BNIP3L: variants seen among roughly 807,000 people sequenced by gnomAD.
BNIP3L encodes the protein BCL2 interacting protein 3 like.
A neutral mutation model predicts 25.5 loss-of-function variants in BNIP3L; 10 were observed. The ratio of observed to expected loss-of-function variants is 0.39; its 90% CI spans 0.24 to 0.67. The LOEUF is 0.67. Among genes scored for constraint, BNIP3L ranks in the 30% least tolerant of loss-of-function variants. The pLI is 0.45. For missense variants in BNIP3L, 215 were observed against 270.9 expected (o/e 0.79, Z 1.45); for synonymous variants, 113 against 101.2 (o/e 1.12, Z -0.70).
At chr8:26,388,822 A>C (rs1806045870) in intron 1 of BNIP3L, among the ~76,000 whole-genome samples, 1 of 150,848 alleles carries the variant, frequency 6.6e-6, no homozygotes, top group Non-Finnish European at 1.5e-5. Flanking sequence ...TAAATAAATA[A>C]ATAAATAAAT....
intron 3 of BNIP3L, among the ~76,000 whole-genome samples, chr8:26,407,026 T>C (rs1361300357): frequency 6.6e-6 from 1 of 151,756 alleles, no homozygotes; most frequent in Non-Finnish European, 1.5e-5. Context: ...GGAATCTCAC[T>C]CTATCACCCA....
chr8:26,385,632 G>T (rs1805977090), intron 1 of BNIP3L, among the ~76,000 whole-genome samples: 1 of 151,452 alleles, frequency 6.6e-6, no homozygotes. Context: ...GGCGGGGGCT[G>T]AGCCATATGT....
chr8:26,391,988 G>A (rs1806122743), intron 2 of BNIP3L, among the ~76,000 whole-genome samples: 1 of 152,194 alleles, frequency 6.6e-6, no homozygotes, highest in Admixed American at 6.5e-5. Context: ...GGTCTGTAAA[G>A]ATAGTTTTGA....
chr8:26,389,491 G>A (rs1806059426), intron 1 of BNIP3L, among the ~76,000 whole-genome samples: 1 of 152,192 alleles, frequency 6.6e-6, no homozygotes, highest in Admixed American at 6.5e-5. Context: ...TGTGTGTATA[G>A]AATGAGGCCA....
intron 2 of BNIP3L, among the ~76,000 whole-genome samples, chr8:26,394,471 A>G (rs749967087): frequency 6.6e-6 from 1 of 152,196 alleles, no homozygotes; most frequent in Non-Finnish European, 1.5e-5. Flanking sequence ...TATTTACTAT[A>G]TTAGAAATTA....
chr8:26,408,057 G>C lies in BNIP3L; in HGVS notation c.415G>C (p.Asp139His), dbSNP rs968022295. ...AGTCGAGGCTTTGAAGAAAAGTGCG[G>C]ACTGGGTATCAGACTGGTCCAGTAG... ...KEVEALKKSADWVSDWSSRPE... is the reference protein window; with the variant it reads ...KEVEALKKSAHWVSDWSSRPE... Residue 139 changes from aspartate (D) to histidine (H), a missense_variant, in exon 4 of 6, where the codon GAC (aspartate) becomes CAC (histidine). Transcript: ENST00000380629. 2.5e-6 allele frequency: 4 copies of C among 1,614,114 alleles called. No individual in the cohort carries two copies. Among genetic ancestry groups the C allele is most frequent in the African/African-American group, 2.7e-5 (2 of 74,940 alleles).
At chr8:26,383,930 C>T (rs1415422265) in intron 1 of BNIP3L, among the ~76,000 whole-genome samples, 23 of 151,768 alleles carry the variant, frequency 1.5e-4, no homozygotes, top group Admixed American at 1.4e-3. Flanking sequence ...GGTTGTGCGC[C>T]CAGTAAAGCT....
At position 26,394,390 on chromosome 8, in the gene BNIP3L, T is replaced by C. The variant is rs553112204; in HGVS notation, c.285-840T>C. Among the ~76,000 whole-genome samples, 14 of 152,288 alleles carry C rather than the reference T, an allele frequency of 9.2e-5. No individual in the cohort carries two copies. In the South Asian group the frequency reaches 2.9e-3, roughly 32 times the overall value. On this transcript the variant is annotated intron_variant, in intron 2 of 5. Coordinates refer to ENST00000380629, the MANE Select transcript of BNIP3L (RefSeq NM_004331.3). ...TAGTGGTTCTCAAAGTTTTTGGTCATTACATACCTTTACATTCTTAAAAAT... is the reference window on the plus strand; with the variant it reads ...TAGTGGTTCTCAAAGTTTTTGGTCACTACATACCTTTACATTCTTAAAAAT...
chr8:26,402,651 A>G (rs1806413426), intron 3 of BNIP3L, among the ~76,000 whole-genome samples: 2 of 152,190 alleles, frequency 1.3e-5, no homozygotes, highest in Non-Finnish European at 2.9e-5. Context: ...TAAGCTGGAC[A>G]TGGTGGCACT....
rs1177918795 is a variant in BNIP3L at position 26,410,449 on chromosome 8, T to G, written c.*37T>G. On this transcript the variant is annotated 3_prime_UTR_variant, in exon 6 of 6. Coordinates refer to ENST00000380629, the MANE Select transcript of BNIP3L (RefSeq NM_004331.3). The stretch of plus-strand genomic sequence containing the variant: ...AGCCCCTGGAAATGCGTGTGACCTG[T>G]GAAGTGGTGTATTGTCACAGTAGCT... 6.2e-7 allele frequency: 1 copy of G among 1,611,192 alleles called. No homozygotes were observed. Among genetic ancestry groups the G allele is most frequent in the East Asian group, 2.2e-5 (1 of 44,874 alleles).
At chr8:26,409,624 C>G (rs1319989691) in intron 5 of BNIP3L, among the ~76,000 whole-genome samples, 1 of 152,170 alleles carries the variant, frequency 6.6e-6, no homozygotes, top group Non-Finnish European at 1.5e-5. Flanking sequence ...TAATACATTG[C>G]TGCCTATACA....
At chr8:26,408,932 C>T (rs189456654) in intron 5 of BNIP3L, among the ~76,000 whole-genome samples, 3 of 149,844 alleles carry the variant, frequency 2.0e-5, no homozygotes, top group Middle Eastern at 3.5e-3. Flanking sequence ...CAAATGTAAG[C>T]GGACTCCTCT....
chr8:26,407,612 G>A (rs981250228), intron 3 of BNIP3L, among the ~76,000 whole-genome samples: 3 of 152,168 alleles, frequency 2.0e-5, no homozygotes, highest in Non-Finnish European at 4.4e-5. Context: ...ATAGGCATGA[G>A]CCACTGCACC....
chr8:26,393,021 T>C (rs1000174677), intron 2 of BNIP3L, among the ~76,000 whole-genome samples: 2 of 152,054 alleles, frequency 1.3e-5, no homozygotes, highest in Non-Finnish European at 2.9e-5. Flanking sequence ...GCAAATGCTT[T>C]TGAACACTTT....
chr8:26,398,618 A>G (rs1416591583), intron 3 of BNIP3L, among the ~76,000 whole-genome samples: 1 of 133,204 alleles, frequency 7.5e-6, no homozygotes, highest in African/African-American at 2.9e-5. Flanking sequence ...AGAAATAACT[A>G]AAATCAGAGC....
rs1050615331 is a variant in BNIP3L at position 26,412,746 on chromosome 8, T to TA, written c.*2339dup. 3.9e-5 allele frequency: 6 copies of TA among 152,596 alleles called. No homozygotes were observed. The highest frequency in any genetic ancestry group is 1.4e-4 in the African/African-American group (6 of 41,430). The allele number at this position is 152,596 out of a possible 1,614,324, so 9.5% of individuals were successfully genotyped here. A position where few individuals can be genotyped will look rare whatever the true frequency, so the allele number is the denominator to read the frequency against. Reference sequence around the variant, plus strand: ...TAGTTGAAATTGTGAGGTTAATGTTTAAAAAGCTTTACACCTGTTTACAAT... The same window carrying TA: ...TAGTTGAAATTGTGAGGTTAATGTTTAAAAAAGCTTTACACCTGTTTACAAT... On this transcript the variant is annotated 3_prime_UTR_variant, in exon 6 of 6. Coordinates refer to ENST00000380629, the MANE Select transcript of BNIP3L (RefSeq NM_004331.3).
chr8:26,396,062 T>A (rs1300014013), intron 3 of BNIP3L: 1 of 151,128 alleles, frequency 6.6e-6, no homozygotes, highest in Non-Finnish European at 1.5e-5. Flanking sequence ...CGCCCGCCAT[T>A]GCCCAGGCTT....
At chr8:26,389,779 T>C (rs1375787979) in intron 1 of BNIP3L, among the ~76,000 whole-genome samples, 1 of 152,210 alleles carries the variant, frequency 6.6e-6, no homozygotes, top group Non-Finnish European at 1.5e-5. Flanking sequence ...TGGGGTCAGA[T>C]TCCCAGCTAG....
At chr8:26,383,254 T>C in intron 1 of BNIP3L, 24 bp downstream of exon 1, 1 of 1,593,040 alleles carries the variant, frequency 6.3e-7, no homozygotes, top group Non-Finnish European at 8.5e-7. Context: ...CGAGGCTCTG[T>C]GAAGGGGATG....
Sources: gnomAD v4.1 joint callset for allele counts (sites outside exome capture counted in the v4.1 genomes callset) on GRCh38, gnomAD v4.1.1 for gene constraint, MANE v1.5 for transcripts, NCBI Gene and HGNC (gene_info 2026-07-23, HGNC 2026-07-21) for gene names.